PSMA6: variants seen among roughly 807,000 people sequenced by gnomAD.
PSMA6 encodes proteasome 20S subunit alpha 6.
For missense variants in PSMA6, 170 were observed against 294.8 expected, an observed-to-expected ratio of 0.58 and a Z score of 3.10; for synonymous variants, 88 against 97.7, an observed-to-expected ratio of 0.90 and a Z score of 0.59.
upstream of PSMA6, chr14:35,278,596 T>C: frequency 8.0e-7 from 1 of 1,244,268 alleles, no homozygotes; most frequent in Non-Finnish European, 1.1e-6. Flanking sequence ...TGGAATTCCC[T>C]GACGATTCCA....
intron 1 of PSMA6, among the ~76,000 whole-genome samples, chr14:35,300,267 G>A (rs925762423): frequency 1.3e-5 from 2 of 152,056 alleles, no homozygotes; most frequent in South Asian, 2.1e-4. Context: ...CCAGGAGTTC[G>A]AAACTAGCCT....
At chr14:35,302,754 T>C (rs1013249937) in intron 1 of PSMA6, among the ~76,000 whole-genome samples, 2 of 152,162 alleles carry the variant, frequency 1.3e-5, no homozygotes. Context: ...CATTTTCATA[T>C]TCACTCACTC....
At chr14:35,297,123 T>G (rs2051607342) in intron 1 of PSMA6, among the ~76,000 whole-genome samples, 2 of 140,016 alleles carry the variant, frequency 1.4e-5, no homozygotes, top group East Asian at 2.0e-4. Flanking sequence ...AACAAAGTTT[T>G]TTTTTTTTTT....
In PSMA6 at chr14:35,317,358, T is replaced by G; in HGVS notation, c.*52T>G. The G allele has an allele frequency of 6.6e-7, 1 of 1,512,092 alleles. No individual in the cohort carries two copies. The highest frequency in any genetic ancestry group is 1.1e-5 in the South Asian group (1 of 88,546). 93.7% of individuals were successfully genotyped at this position (1,512,092 alleles called of 1,614,324 possible). ...TGATGCCACTTACCTGTGTGTTTGG[T>G]AACAACAAACCAACATCATGGAGGT... On this transcript the variant is annotated 3_prime_UTR_variant, in exon 7 of 7. Coordinates refer to ENST00000261479, the MANE Select transcript of PSMA6 (RefSeq NM_002791.3).
In PSMA6 at chr14:35,308,014, A is replaced by C; in HGVS notation, c.97A>C (p.Asn33His). Reference protein sequence around the residue: ...YQVEYAFKAINQGGLTSVAVR... With the variant: ...YQVEYAFKAIHQGGLTSVAVR... Reference sequence around the variant, plus strand: ...TCCAGAATATGCTTTTAAGGCTATTAACCAGGGTGGCCTTACATCAGTAGC... The same window carrying C: ...TCCAGAATATGCTTTTAAGGCTATTCACCAGGGTGGCCTTACATCAGTAGC... Residue 33 changes from asparagine (N) to histidine (H), a missense_variant, in exon 2 of 7, where the codon AAC (asparagine) becomes CAC (histidine). Asn to His is a moderately conservative substitution (Grantham distance 68). Coordinates refer to ENST00000261479, the MANE Select transcript of PSMA6 (RefSeq NM_002791.3). The C allele has an allele frequency of 6.2e-7, 1 of 1,614,034 alleles. No homozygotes were observed. The highest frequency in any genetic ancestry group is 8.5e-7 in the Non-Finnish European group (1 of 1,179,922).
intron 2 of PSMA6, chr14:35,308,555 G>T: frequency 4.5e-6 from 1 of 220,966 alleles, no homozygotes; most frequent in Non-Finnish European, 8.9e-6. Context: ...TCTATTGAAC[G>T]TCTATATACA....
At chr14:35,295,547 GGT>G (rs1017530458) in intron 1 of PSMA6, among the ~76,000 whole-genome samples, 3 of 151,156 alleles carry the variant, frequency 2.0e-5, no homozygotes, top group Non-Finnish European at 2.9e-5. Flanking sequence ...CCACCTCCCA[GGT>G]TCAAGCGATT....
intron 1 of PSMA6, chr14:35,293,103 A>G (rs1032486739): frequency 2.5e-6 from 1 of 403,096 alleles, no homozygotes; most frequent in African/African-American, 2.1e-5. Flanking sequence ...ACAAACGGAT[A>G]AAAAAAATTA....
chr14:35,278,648 G>T (rs528971563), exon 1 of PSMA6: 17 of 1,534,284 alleles, frequency 1.1e-5, no homozygotes, highest in Admixed American at 3.9e-5. Flanking sequence ...CCTAGGCTGG[G>T]AGAATGGGAT....
chr14:35,302,402 CTTA>C (rs1312776947), intron 1 of PSMA6, among the ~76,000 whole-genome samples: 1 of 149,504 alleles, frequency 6.7e-6, no homozygotes, highest in African/African-American at 2.4e-5. Context: ...ACAACACACA[CTTA>C]TTATGTCATA....
At chr14:35,313,298 A>G in intron 5 of PSMA6, 1 of 378,962 alleles carries the variant, frequency 2.6e-6, no homozygotes, top group Non-Finnish European at 4.6e-6. Context: ...ATAGGAAAAT[A>G]TAAATAAAAA....
intron 1 of PSMA6, among the ~76,000 whole-genome samples, chr14:35,282,855 CCTGGGCAACAGAGTGAGACCCCACAGG>C (rs2051381318): frequency 6.6e-6 from 1 of 151,720 alleles, no homozygotes. Context: ...ACCCACACAG[CCTGGGCAACAGAGTGAGACCCCACAGG>C]GTCAGGCTGG....
At chr14:35,293,311 A>G in intron 1 of PSMA6, 1 of 249,592 alleles carries the variant, frequency 4.0e-6, no homozygotes, top group Non-Finnish European at 8.2e-6. Context: ...GAACACCTGT[A>G]GTGGAAAGAA....
At chr14:35,305,227 C>G (rs989056233) in intron 1 of PSMA6, among the ~76,000 whole-genome samples, 2 of 151,252 alleles carry the variant, frequency 1.3e-5, no homozygotes, top group African/African-American at 4.9e-5. Context: ...ACTGCAGCCT[C>G]GACCTCCTGG....
intron 1 of PSMA6, among the ~76,000 whole-genome samples, chr14:35,282,644 A>AGAGCAG (rs1451784313): frequency 1.3e-5 from 2 of 152,078 alleles, no homozygotes; most frequent in Admixed American, 6.5e-5. Context: ...TGCATCTAGG[A>AGAGCAG]GCTCAAGACC....
chr14:35,297,542 C>T (rs2051622541), intron 1 of PSMA6, among the ~76,000 whole-genome samples: 3 of 152,042 alleles, frequency 2.0e-5, no homozygotes, highest in African/African-American at 7.2e-5. Flanking sequence ...GAATATGTAT[C>T]TCTCAATTCA....
At chr14:35,303,996 G>A (rs964660518) in intron 1 of PSMA6, among the ~76,000 whole-genome samples, 12 of 150,316 alleles carry the variant, frequency 8.0e-5, no homozygotes, top group South Asian at 2.1e-4. Flanking sequence ...TTTTTTAGAC[G>A]GAGTCTCGCT....
chr14:35,303,150 T>C (rs1012760618), intron 1 of PSMA6, among the ~76,000 whole-genome samples: 10 of 152,216 alleles, frequency 6.6e-5, no homozygotes, highest in African/African-American at 2.4e-4. Context: ...CTGTGGATTC[T>C]GTTATATTTC....
chr14:35,303,229 G>A (rs1440531867), intron 1 of PSMA6, among the ~76,000 whole-genome samples: 1 of 152,208 alleles, frequency 6.6e-6, no homozygotes, highest in Admixed American at 6.5e-5. Context: ...TACAAAGTCT[G>A]TCTCTTGGGT....
Sources: allele counts gnomAD v4.1 joint callset (sites outside exome capture counted in the v4.1 genomes callset), GRCh38; gene constraint gnomAD v4.1.1; transcripts MANE v1.5; gene names NCBI Gene and HGNC (gene_info 2026-07-23, HGNC 2026-07-21).